Variants in FMNL2 observed in about 807,000 individuals in gnomAD.
The protein encoded by FMNL2 is formin like 2.
FMNL2 carries 51 observed loss-of-function variants against 130.2 expected under a neutral mutation model. The ratio of observed to expected loss-of-function variants is 0.39; its 90% confidence interval spans 0.31 to 0.49. The LOEUF (loss-of-function observed/expected upper bound fraction) is 0.49, where lower values mean the gene tolerates loss of function less well. Ranked by LOEUF, FMNL2 falls within the 20% of genes least tolerant of loss-of-function variation. The pLI is 0.85. For synonymous variants in FMNL2, 465 were observed against 467.1 expected (o/e 1.00, Z 0.06); for missense variants, 977 against 1,316.2 (o/e 0.74, Z 3.99).
intron 1 of FMNL2, among the ~76,000 whole-genome samples, chr2:152,423,338 T>C (rs571329044): frequency 6.6e-6 from 1 of 152,270 alleles, no homozygotes; most frequent in East Asian, 1.9e-4. Context: ...ATTTTACAGA[T>C]AGAGAAACAG....
chr2:152,401,279 T>TAAG (rs1685680010), intron 1 of FMNL2, among the ~76,000 whole-genome samples: 2 of 152,232 alleles, frequency 1.3e-5, no homozygotes, highest in African/African-American at 4.8e-5. Context: ...GCTATTAATT[T>TAAG]AAATGTGTCC....
chr2:152,416,443 A>C (rs1686619482), intron 1 of FMNL2, among the ~76,000 whole-genome samples: 1 of 152,218 alleles, frequency 6.6e-6, no homozygotes, highest in Non-Finnish European at 1.5e-5. Flanking sequence ...CTGACTTTCT[A>C]ATTTCTATAA....
intron 1 of FMNL2, among the ~76,000 whole-genome samples, chr2:152,375,897 A>ATATATATATAT (rs1553871972): frequency 4.2e-5 from 5 of 119,902 alleles, no homozygotes; most frequent in South Asian, 2.8e-4. Context: ...ATATATATAT[A>ATATATATATAT]ATTATTATTA....
chr2:152,647,313 AAAT>A (rs1311169765), intron 25 of FMNL2, among the ~76,000 whole-genome samples: 2 of 152,242 alleles, frequency 1.3e-5, no homozygotes, highest in African/African-American at 2.4e-5. Flanking sequence ...AATGGAATGA[AAAT>A]AATAGAGCCC....
chr2:152,401,898 C>CTTTTTTT lies in FMNL2; in HGVS notation c.117+66197_117+66203dup, dbSNP rs70974858. Among the ~76,000 whole-genome samples, 57 of 78,580 alleles carry CTTTTTTT rather than the reference C, an allele frequency of 7.3e-4. 1 individual carries two copies. Among genetic ancestry groups the CTTTTTTT allele is most frequent in the African/African-American group, 9.6e-4 (18 of 18,728 alleles). The allele number at this position is 78,580 out of a possible 152,430, so 51.6% of individuals were successfully genotyped here. On this transcript the variant is annotated intron_variant, in intron 1 of 25. Transcript: ENST00000288670. Reference sequence around the variant, plus strand: ...GGTAGTTTCAGATGTTGTGTTTAATCTTTTTTTTTTTTTTTTTTTTTTTTT... The same window carrying CTTTTTTT: ...GGTAGTTTCAGATGTTGTGTTTAATCTTTTTTTTTTTTTTTTTTTTTTTTTTTTTTTT...
intron 2 of FMNL2, among the ~76,000 whole-genome samples, chr2:152,534,850 C>T (rs1579904534): frequency 6.6e-6 from 1 of 152,150 alleles, no homozygotes; most frequent in Non-Finnish European, 1.5e-5. Context: ...AAAGTCTCAT[C>T]AGAGGTTATT....
intron 9 of FMNL2, among the ~76,000 whole-genome samples, chr2:152,593,858 AGAGTGTGTGTGTGTGTGTGTGTGTGTGT>A (rs1697584789): frequency 9.9e-6 from 1 of 101,520 alleles, no homozygotes; most frequent in African/African-American, 4.3e-5. Flanking sequence ...AGAGAGAGAG[AGAGTGTGTGTGTGTGTGTGTGTGTGTGT>A]GTGTGTGTGT....
At chr2:152,462,224 T>C (rs955769577) in intron 1 of FMNL2, among the ~76,000 whole-genome samples, 1 of 152,204 alleles carries the variant, frequency 6.6e-6, no homozygotes, top group African/African-American at 2.4e-5. Flanking sequence ...AATTTTAATC[T>C]TGTTTATTTC....
At chr2:152,574,434 C>CAAAAAAAAAAAAA (rs57776446) in intron 6 of FMNL2, among the ~76,000 whole-genome samples, 2 of 106,964 alleles carry the variant, frequency 1.9e-5, no homozygotes, top group African/African-American at 3.7e-5. Context: ...GACTCTGTCT[C>CAAAAAAAAAAAAA]AAAAAAAAAA....
chr2:152,571,625 C>T (rs534696381), intron 6 of FMNL2, among the ~76,000 whole-genome samples: 1 of 152,272 alleles, frequency 6.6e-6, no homozygotes, highest in African/African-American at 2.4e-5. Context: ...TGGCTTAATC[C>T]CTGCAAAGCT....
chr2:152,493,306 T>C (rs1305925564), intron 1 of FMNL2, among the ~76,000 whole-genome samples: 1 of 152,190 alleles, frequency 6.6e-6, no homozygotes, highest in East Asian at 1.9e-4. Context: ...GTAATTTCTT[T>C]TTTCCTGTTA....
intron 1 of FMNL2, among the ~76,000 whole-genome samples, chr2:152,370,852 A>G (rs1683833592): frequency 1.3e-5 from 2 of 152,232 alleles, no homozygotes; most frequent in Admixed American, 1.3e-4. Flanking sequence ...ATTATCTCCC[A>G]GTGTCTATGG....
At chr2:152,507,405 T>G in intron 1 of FMNL2, among the ~76,000 whole-genome samples, 1 of 152,192 alleles carries the variant, frequency 6.6e-6, no homozygotes, top group East Asian at 1.9e-4. Context: ...TAGCTAAAGT[T>G]TATTGAACAC....
At chr2:152,388,459 C>G (rs1210847224) in intron 1 of FMNL2, among the ~76,000 whole-genome samples, 1 of 152,132 alleles carries the variant, frequency 6.6e-6, no homozygotes, top group Non-Finnish European at 1.5e-5. Context: ...ACGAAACCAT[C>G]AGATCTCATG....
At chr2:152,501,960 A>G (rs1398599349) in intron 1 of FMNL2, among the ~76,000 whole-genome samples, 1 of 152,248 alleles carries the variant, frequency 6.6e-6, no homozygotes, top group Non-Finnish European at 1.5e-5. Flanking sequence ...AAGTATGGAA[A>G]GGAACCTAGT....
chr2:152,503,671 G>A (rs1691985030), intron 1 of FMNL2, among the ~76,000 whole-genome samples: 1 of 152,172 alleles, frequency 6.6e-6, no homozygotes, highest in Admixed American at 6.5e-5. Flanking sequence ...AAACACTGGT[G>A]CAAGATCAAG....
chr2:152,619,199 A>G (rs1406783589), intron 14 of FMNL2, 41 bp downstream of exon 14: 2 of 1,513,428 alleles, frequency 1.3e-6, no homozygotes, highest in Non-Finnish European at 1.8e-6. Flanking sequence ...GTTTTGGAAT[A>G]TTTGTATTTC....
chr2:152,601,586 C>G (rs975795104), intron 9 of FMNL2, among the ~76,000 whole-genome samples: 1 of 151,866 alleles, frequency 6.6e-6, no homozygotes, highest in African/African-American at 2.4e-5. Context: ...CAGGCATGAG[C>G]CACCGCGCCG....
At chr2:152,391,909 T>TG (rs1491181593) in intron 1 of FMNL2, among the ~76,000 whole-genome samples, 1 of 1,378 alleles carries the variant, frequency 7.3e-4, no homozygotes, top group East Asian at 0.5. Flanking sequence ...CTAGAAGTTG[T>TG]TTTTTTTTTT....
Sources: allele counts gnomAD v4.1 joint callset (sites outside exome capture counted in the v4.1 genomes callset), GRCh38; gene constraint gnomAD v4.1.1; transcripts MANE v1.5; gene names NCBI Gene and HGNC (gene_info 2026-07-23, HGNC 2026-07-21).